The following DNAH11 variants were observed in gnomAD, a reference collection of about 807,000 sequenced individuals.
DNAH11 encodes the protein dynein axonemal heavy chain 11.
Under a neutral mutation model 526.0 loss-of-function variants are expected in DNAH11, and 442 were observed. That is an observed-to-expected ratio of 0.84 (90% CI 0.78 to 0.91). The LOEUF is 0.91. Among genes scored for constraint, DNAH11 ranks in the 40% least tolerant of loss-of-function variants. The probability of loss-of-function intolerance (pLI) is 0.00; values close to 1 mark genes in which losing one functional copy is unlikely to be tolerated. For synonymous variants in DNAH11, 2,461 were observed against 1,935.9 expected, an observed-to-expected ratio of 1.27 and a Z score of -7.12; for missense variants, 6,989 against 5,448.7, an observed-to-expected ratio of 1.28 and a Z score of -8.90.
chr7:21,843,591 C>A, intron 66 of DNAH11, among the ~76,000 whole-genome samples: 1 of 150,456 alleles, frequency 6.6e-6, no homozygotes, highest in African/African-American at 2.5e-5. Context: ...AGCGATTCTT[C>A]TGCCTCAGCT....
intron 60 of DNAH11, 64 bp from the exon 61 acceptor site, chr7:21,789,177 A>G (rs1282717954): frequency 1.1e-5 from 13 of 1,184,128 alleles, no homozygotes; most frequent in Non-Finnish European, 1.6e-5. Flanking sequence ...TAAAGCATCC[A>G]TCCTATCTGG....
chr7:21,755,392 T>C (rs755571346), intron 54 of DNAH11, among the ~76,000 whole-genome samples: 3 of 152,200 alleles, frequency 2.0e-5, no homozygotes, highest in Non-Finnish European at 4.4e-5. Flanking sequence ...ATAATTTTTC[T>C]TTCTTACTTT....
chr7:21,726,454 C>T (rs749704463), intron 45 of DNAH11, among the ~76,000 whole-genome samples: 2 of 150,032 alleles, frequency 1.3e-5, no homozygotes, highest in Admixed American at 6.7e-5. Context: ...GATGTGATCC[C>T]TTTTTAAAAA....
chr7:21,830,418 G>A (rs1790500402), intron 65 of DNAH11, among the ~76,000 whole-genome samples: 1 of 152,192 alleles, frequency 6.6e-6, no homozygotes, highest in Non-Finnish European at 1.5e-5. Context: ...CAGGGCGTGT[G>A]CTCTGAACTG....
chr7:21,587,344 T>C (rs1784506393), intron 9 of DNAH11, among the ~76,000 whole-genome samples: 1 of 152,180 alleles, frequency 6.6e-6, no homozygotes, highest in African/African-American at 2.4e-5. Context: ...CTGTTCAGTC[T>C]GTGTGTCTGC....
rs755210598 is a variant in DNAH11 at position 21,874,090 on chromosome 7, C to T, written c.12195+589C>T. Among the ~76,000 whole-genome samples the T allele has an allele frequency of 7.9e-5, 12 of 151,642 alleles. No individual in the cohort carries two copies. The East Asian group carries it at 1.2e-3, about 15-fold the overall frequency. ...ACAGACATGAGCCACCGCGCCTGGC[C>T]GGAACTTGCTTCTTGAAAACAAATG... On this transcript the variant is annotated intron_variant, in intron 74 of 81. Coordinates refer to ENST00000409508, the MANE Select transcript of DNAH11 (RefSeq NM_001277115.2).
chr7:21,748,846 GC>G, intron 52 of DNAH11, 104 bp downstream of exon 52: 1 of 1,266,668 alleles, frequency 7.9e-7, no homozygotes, highest in Non-Finnish European at 1.1e-6. Flanking sequence ...TTTGGCCAAG[GC>G]CTCCCCAACC....
In DNAH11 at chr7:21,620,171, A is replaced by C. The variant is rs185478403; in HGVS notation, c.4500+93A>C. The C allele has an allele frequency of 3.7e-5, 40 of 1,073,770 alleles. No homozygotes were observed. The Admixed American group carries it at 1.1e-3, about 31-fold the overall frequency. 66.5% of individuals were successfully genotyped at this position (1,073,770 alleles called of 1,614,324 possible). A position where few individuals can be genotyped will look rare whatever the true frequency, so the allele number is the denominator to read the frequency against. On this transcript the variant is annotated intron_variant, in intron 25 of 81. Transcript: ENST00000409508. ...AGGGTACCATGTGATGTTTTGATGTATGTTTACAATGTGGAAAGATTAAAT... is the reference window on the plus strand; with the variant it reads ...AGGGTACCATGTGATGTTTTGATGTCTGTTTACAATGTGGAAAGATTAAAT...
chr7:21,740,179 G>A (rs1785815551), intron 48 of DNAH11, among the ~76,000 whole-genome samples: 2 of 149,850 alleles, frequency 1.3e-5, no homozygotes, highest in Non-Finnish European at 3.0e-5. Context: ...TGAGTCCCTG[G>A]TAACAATTGA....
At chr7:21,829,352 A>G (rs1790449000) in intron 65 of DNAH11, among the ~76,000 whole-genome samples, 1 of 152,094 alleles carries the variant, frequency 6.6e-6, no homozygotes, top group Non-Finnish European at 1.5e-5. Flanking sequence ...CTATTCAGAG[A>G]ACATGTTGGC....
At chr7:21,819,572 G>C (rs1583733652) in intron 65 of DNAH11, among the ~76,000 whole-genome samples, 1 of 152,152 alleles carries the variant, frequency 6.6e-6, no homozygotes, top group Non-Finnish European at 1.5e-5. Context: ...TTAAGGTTCT[G>C]ACTCTATTAT....
chr7:21,825,835 T>C (rs1316122830), intron 65 of DNAH11, among the ~76,000 whole-genome samples: 3 of 151,950 alleles, frequency 2.0e-5, no homozygotes, highest in African/African-American at 7.3e-5. Context: ...AGCGGGTGCC[T>C]GTAGTCCCAG....
rs369959434 is a variant in DNAH11 at position 21,559,009 on chromosome 7, G to C, written c.692+11G>C. On this transcript the variant is annotated intron_variant, in intron 3 of 81. Transcript: ENST00000409508. The stretch of plus-strand genomic sequence containing the variant: ...TTGTTCAGAGAACAAGTACGTAACA[G>C]TACAATATATACAGGATATTAAAGT... The C allele has an allele frequency of 1.9e-6, 3 of 1,559,158 alleles. No homozygotes were observed. The African/African-American group carries it at 4.1e-5, about 21-fold the overall frequency.
chr7:21,790,144 A>G (rs1229516796), intron 61 of DNAH11, among the ~76,000 whole-genome samples: 1 of 152,028 alleles, frequency 6.6e-6, no homozygotes, highest in Admixed American at 6.6e-5. Context: ...GGCACATAGT[A>G]AGTGCTTAGA....
At chr7:21,796,925 A>T (rs1262285684) in intron 61 of DNAH11, among the ~76,000 whole-genome samples, 1 of 152,136 alleles carries the variant, frequency 6.6e-6, no homozygotes, top group Non-Finnish European at 1.5e-5. Context: ...ACAAACAATG[A>T]TTAGTAACTT....
At chr7:21,684,211 C>T (rs1783273163) in intron 32 of DNAH11, among the ~76,000 whole-genome samples, 1 of 152,178 alleles carries the variant, frequency 6.6e-6, no homozygotes, top group Non-Finnish European at 1.5e-5. Context: ...TCTATCACCA[C>T]CTCCCTCCAC....
At chr7:21,695,402 A>T (rs1783806939) in intron 35 of DNAH11, among the ~76,000 whole-genome samples, 1 of 152,232 alleles carries the variant, frequency 6.6e-6, no homozygotes, top group Non-Finnish European at 1.5e-5. Flanking sequence ...AGATGTATAG[A>T]CCAATGGAAC....
chr7:21,733,152 C>T (rs1354144569), intron 45 of DNAH11, among the ~76,000 whole-genome samples: 7 of 152,120 alleles, frequency 4.6e-5, no homozygotes, highest in African/African-American at 1.7e-4. Context: ...TTTGGGAGGC[C>T]GAGGTGGGTG....
At chr7:21,687,589 C>A in intron 34 of DNAH11, 62 bp downstream of exon 34, 2 of 1,545,878 alleles carry the variant, frequency 1.3e-6, no homozygotes, top group Non-Finnish European at 1.8e-6. Flanking sequence ...TGCAGGTAAC[C>A]TCCCCTTCAC....
Sources: gnomAD v4.1 joint callset for allele counts (sites outside exome capture counted in the v4.1 genomes callset) on GRCh38, gnomAD v4.1.1 for gene constraint, MANE v1.5 for transcripts, NCBI Gene and HGNC (gene_info 2026-07-23, HGNC 2026-07-21) for gene names.